The following IRAG1 variants were observed in gnomAD, a reference collection of about 807,000 sequenced individuals.
IRAG1 encodes IP3R-associated cGMP kinase substrate.
IRAG1 carries 62 observed loss-of-function variants against 106.2 expected under a neutral mutation model. That is an observed-to-expected ratio of 0.58 (90% CI 0.48 to 0.72). IRAG1 has a LOEUF of 0.72. Ranked by LOEUF, IRAG1 falls within the 30% of genes least tolerant of loss-of-function variation. IRAG1 has a pLI of 0.00. For synonymous variants in IRAG1, 462 were observed against 443.9 expected, an observed-to-expected ratio of 1.04 and a Z score of -0.51; for missense variants, 1,064 against 1,140.7, an observed-to-expected ratio of 0.93 and a Z score of 0.97.
chr11:10,644,510 G>A (rs1437098712), intron 2 of IRAG1, among the ~76,000 whole-genome samples: 1 of 152,174 alleles, frequency 6.6e-6, no homozygotes, highest in Non-Finnish European at 1.5e-5. Context: ...AGTACTTCCT[G>A]GTTTCTGGTG....
intron 1 of IRAG1, among the ~76,000 whole-genome samples, chr11:10,686,889 A>G (rs778687786): frequency 6.6e-6 from 1 of 152,236 alleles, no homozygotes; most frequent in Non-Finnish European, 1.5e-5. Context: ...CCTTTCCCAT[A>G]TATTTTCTCA....
At chr11:10,671,565 A>C (rs1860225240) in intron 1 of IRAG1, among the ~76,000 whole-genome samples, 1 of 152,120 alleles carries the variant, frequency 6.6e-6, no homozygotes, top group Non-Finnish European at 1.5e-5. Context: ...TACAAAAATT[A>C]GCAGGGCATG....
In IRAG1 at chr11:10,665,311, C is replaced by A. The variant is rs572713953; in HGVS notation, c.68-13129G>T. On this transcript the variant is annotated intron_variant, in intron 1 of 20. Coordinates refer to ENST00000423302, the MANE Select transcript of IRAG1 (RefSeq NM_130385.4). This position sits in a 1 kb window ranked among gnomAD's most constrained non-coding sequence, Gnocchi z 4.2. ...CCCAGCATCTGGCCAGAAACCCCAG[C>A]CCAAACACAGAACCTTCTCCCACCT... Among the ~76,000 whole-genome samples the A allele has an allele frequency of 3.3e-5, 5 of 152,290 alleles. No homozygotes were observed. In the South Asian group the frequency reaches 8.3e-4, roughly 25 times the overall value.
intron 2 of IRAG1, among the ~76,000 whole-genome samples, chr11:10,642,998 C>T (rs893814952): frequency 3.3e-5 from 5 of 152,002 alleles, no homozygotes; most frequent in Admixed American, 6.5e-5. Context: ...AGTGAAACCC[C>T]GTCTCTACTA....
chr11:10,652,301 G>A (rs1858590944), intron 1 of IRAG1, 119 bp from the exon 2 acceptor site: 31 of 1,510,678 alleles, frequency 2.1e-5, no homozygotes, highest in Non-Finnish European at 2.8e-5. Context: ...CAACACCGGA[G>A]GTCAAACCAG....
At chr11:10,673,128 C>CA (rs1323801550) in intron 1 of IRAG1, among the ~76,000 whole-genome samples, 1 of 152,006 alleles carries the variant, frequency 6.6e-6, no homozygotes, top group Non-Finnish European at 1.5e-5. Context: ...ACTAAAAATA[C>CA]AAAAATTAGC....
intron 2 of IRAG1, among the ~76,000 whole-genome samples, chr11:10,634,753 TTGTGTGTGTGTGTGTG>T (rs57266330): frequency 6.9e-6 from 1 of 144,936 alleles, no homozygotes; most frequent in African/African-American, 2.6e-5. Context: ...AATAATATTC[TTGTGTGTGTGTGTGTG>T]TGTGTGTGTG....
intron 1 of IRAG1, among the ~76,000 whole-genome samples, chr11:10,656,588 C>T (rs890984000): frequency 6.6e-6 from 1 of 152,228 alleles, no homozygotes; most frequent in Non-Finnish European, 1.5e-5. Context: ...TCTTCAGCTA[C>T]TTCTAAGTCG....
In IRAG1 at chr11:10,593,516, T is replaced by A. The variant is rs1852918181; in HGVS notation, c.2151A>T (p.Ser717=). The change falls in exon 17 of 21, where the codon TCA becomes TCT. Residue 717 remains serine, a synonymous_variant. Transcript: ENST00000423302. ...LNLPGQTPSS[S]SIPSLPALSE... is the part of the protein sequence containing the mutation. ...CCAAGGCTGGTAAGGAGGGAATGGA[T>A]GATGAGCTGGGAGTTTGGCCAGGCA... 1.2e-6 allele frequency: 2 copies of A among 1,613,540 alleles called. No individual in the cohort carries two copies. The highest frequency in any genetic ancestry group is 1.7e-6 in the Non-Finnish European group (2 of 1,179,704).
intron 3 of IRAG1, among the ~76,000 whole-genome samples, chr11:10,633,117 C>T (rs575706390): frequency 8.2e-5 from 12 of 147,050 alleles, no homozygotes; most frequent in East Asian, 2.0e-4. Flanking sequence ...CACTGTCGCC[C>T]AGGCTGGAGT....
At chr11:10,609,513 T>C (rs572929677) in intron 11 of IRAG1, among the ~76,000 whole-genome samples, 3 of 152,228 alleles carry the variant, frequency 2.0e-5, no homozygotes, top group African/African-American at 4.8e-5. Flanking sequence ...TGAACTGTGC[T>C]CACCTAAGAA....
intron 2 of IRAG1, among the ~76,000 whole-genome samples, chr11:10,649,432 T>C (rs894893306): frequency 6.6e-6 from 1 of 152,160 alleles, no homozygotes; most frequent in African/African-American, 2.4e-5. Context: ...CTAACCCTTG[T>C]ACTGGGTAAC....
At chr11:10,593,346 G>A (rs2134223109) in intron 17 of IRAG1, 146 bp downstream of exon 17, 1 of 606,444 alleles carries the variant, frequency 1.6e-6, no homozygotes, top group Non-Finnish European at 2.9e-6. Context: ...TTGAGTTTTT[G>A]AGCCTATCAC....
rs1364252893 is a variant in IRAG1, at chr11:10,680,197, C to T, written c.67+13339G>A. ...CTGAAGTAGGAGAATCGCTTGAACC[C>T]AGGAGGTGGAGGTTGCAGTGAGCAG... On this transcript the variant is annotated intron_variant, in intron 1 of 20. Coordinates refer to ENST00000423302, the MANE Select transcript of IRAG1 (RefSeq NM_130385.4). Among the ~76,000 whole-genome samples, 114 of 149,712 alleles carry T rather than the reference C, an allele frequency of 7.6e-4. 4 individuals are homozygous for T. The Admixed American group carries it at 7.7e-3, about 10-fold the overall frequency.
chr11:10,675,361 C>T (rs902423183), intron 1 of IRAG1, among the ~76,000 whole-genome samples: 5 of 152,338 alleles, frequency 3.3e-5, no homozygotes, highest in African/African-American at 1.2e-4. Context: ...GTGTCACGTG[C>T]ACTGCCTCCC....
At chr11:10,581,840 C>T (rs371733584) in intron 19 of IRAG1, 27 bp downstream of exon 19, 9 of 1,609,812 alleles carry the variant, frequency 5.6e-6, no homozygotes, top group African/African-American at 1.3e-5. Flanking sequence ...TGCCAGGTGC[C>T]CTTGGGGTGG....
chr11:10,630,220 C>T (rs1477342527), intron 4 of IRAG1: 1 of 154,804 alleles, frequency 6.5e-6, no homozygotes, highest in East Asian at 1.9e-4. Context: ...CCACCTCTCA[C>T]CTGGCTGCTC....
chr11:10,649,491 T>G (rs1253840375), intron 2 of IRAG1, among the ~76,000 whole-genome samples: 2 of 152,160 alleles, frequency 1.3e-5, no homozygotes, highest in African/African-American at 2.4e-5. Context: ...GGTCTCAAAG[T>G]TTCTTGGCCA....
rs1856227155 is a variant in IRAG1 at position 10,626,127 on chromosome 11, C to T, written c.1207G>A (p.Gly403Ser). The change falls in exon 9 of 21, where the codon GGC becomes AGC. Residue 403 changes from glycine (G) to serine (S), a missense_variant. By Grantham distance (56) the Gly-to-Ser change is moderately conservative. Coordinates refer to ENST00000423302, the MANE Select transcript of IRAG1 (RefSeq NM_130385.4). ...GCAAGCACTTTCTGCAGCCGGGGGC[C>T]AGGTTCTTCAGGGCCACTGTCCCAG... is the stretch of plus-strand genomic sequence containing the variant. ...LSWDSGPEEP[G>S]PRLQKVLAKL... The T allele has an allele frequency of 1.3e-6, 2 of 1,539,814 alleles. No homozygotes were observed. The highest frequency in any genetic ancestry group is 2.1e-5 in the Admixed American group (1 of 47,686).
Sources: gnomAD v4.1 joint callset for allele counts (sites outside exome capture counted in the v4.1 genomes callset) on GRCh38, gnomAD v4.1.1 for gene constraint, Gnocchi (gnomAD v3.1) non-coding constraint, MANE v1.5 for transcripts, NCBI Gene and HGNC (gene_info 2026-07-23, HGNC 2026-07-21) for gene names.